Variants in GRID2 observed in about 807,000 individuals in gnomAD.
GRID2 encodes the protein glutamate receptor ionotropic, delta-2.
A neutral mutation model predicts 114.8 loss-of-function variants in GRID2; 33 were observed. The observed-to-expected ratio is 0.29, with a 90% CI of 0.22 to 0.38. The LOEUF is 0.38. GRID2 is among the 10% of genes least tolerant of loss of function. GRID2 has a pLI of 1.00. For synonymous variants in GRID2, 505 were observed against 449.9 expected (o/e 1.12, Z -1.55); for missense variants, 1,184 against 1,257.7 (o/e 0.94, Z 0.89).
intron 9 of GRID2, among the ~76,000 whole-genome samples, chr4:93,413,686 G>C (rs75380457): frequency 0.05 from 7,558 of 152,156 alleles, 221 homozygotes; most frequent in Middle Eastern, 0.17. Flanking sequence ...AATGGTTGCT[G>C]TTAAACTTTG....
intron 1 of GRID2, among the ~76,000 whole-genome samples, chr4:92,494,298 A>G (rs1000152906): frequency 6.6e-6 from 1 of 151,998 alleles, no homozygotes; most frequent in African/African-American, 2.4e-5. Context: ...ATTCCTAGAT[A>G]GGAAATTACT....
At chr4:92,857,174 A>G (rs1433826511) in intron 2 of GRID2, among the ~76,000 whole-genome samples, 1 of 152,146 alleles carries the variant, frequency 6.6e-6, no homozygotes, top group Admixed American at 6.6e-5. Flanking sequence ...TTGAGACAAA[A>G]CAAGGTTGAA....
intron 8 of GRID2, among the ~76,000 whole-genome samples, chr4:93,342,407 C>T (rs1464059231): frequency 1.3e-5 from 2 of 152,070 alleles, no homozygotes; most frequent in Admixed American, 6.6e-5. Flanking sequence ...TTCAGAACTT[C>T]GCTTAAAATC....
At chr4:93,323,563 G>A (rs577630804) in intron 8 of GRID2, among the ~76,000 whole-genome samples, 1 of 152,120 alleles carries the variant, frequency 6.6e-6, no homozygotes, top group African/African-American at 2.4e-5. Context: ...CTTTAAAGTA[G>A]TTTTTTCTAA....
chr4:92,603,771 T>G (rs1729331384), intron 2 of GRID2, among the ~76,000 whole-genome samples: 1 of 152,050 alleles, frequency 6.6e-6, no homozygotes, highest in African/African-American at 2.4e-5. Context: ...GGAGAAAATT[T>G]TCACAATCTA....
At chr4:92,764,089 G>A (rs974048616) in intron 2 of GRID2, among the ~76,000 whole-genome samples, 48 of 152,094 alleles carry the variant, frequency 3.2e-4, no homozygotes, top group Admixed American at 6.5e-5. Context: ...GGTCTAAGAT[G>A]GTTGTCTGTG....
In GRID2 at chr4:93,163,388, A is replaced by ATG. The variant is rs1737917350; in HGVS notation, c.736-44015_736-44014insGT. Among the ~76,000 whole-genome samples, 16 of 46,164 alleles carry ATG rather than the reference A, an allele frequency of 3.5e-4. 1 individual carries two copies. The highest frequency in any genetic ancestry group is 1.2e-3 in the African/African-American group (16 of 12,970). The allele number at this position is 46,164 out of a possible 152,430, so 30.3% of individuals were successfully genotyped here. On this transcript the variant is annotated intron_variant, in intron 4 of 15. Transcript: ENST00000282020. Reference sequence around the variant, plus strand: ...TATATATATATATATATATATATATATATATATATATACACTATATATATA... The same window carrying ATG: ...TATATATATATATATATATATATATATGTATATATATATACACTATATATATA...
chr4:93,378,193 A>G (rs766437466), intron 8 of GRID2, among the ~76,000 whole-genome samples: 36 of 152,136 alleles, frequency 2.4e-4, no homozygotes, highest in Non-Finnish European at 4.1e-4. Flanking sequence ...AAATAATTTA[A>G]TATGTTTAAA....
intron 1 of GRID2, among the ~76,000 whole-genome samples, chr4:93,800,391 C>T (rs1357729120): frequency 6.6e-6 from 1 of 152,144 alleles, no homozygotes; most frequent in Non-Finnish European, 1.5e-5. Flanking sequence ...CGTATCTTAT[C>T]AAGTTTGGAT....
At position 92,470,487 on chromosome 4, in the gene GRID2, A is replaced by C. The variant is rs148040618; in HGVS notation, c.89-119644A>C. ...CATTCTTTCATTTATTTCTGAAAAAAAGAGGTAGAATTTTATTTCTGTAAT... is the reference window on the plus strand; with the variant it reads ...CATTCTTTCATTTATTTCTGAAAAACAGAGGTAGAATTTTATTTCTGTAAT... On this transcript the variant is annotated intron_variant, in intron 1 of 15. Transcript: ENST00000282020. 5.7e-3 allele frequency among the ~76,000 whole-genome samples: 872 copies of C among 152,112 alleles called. 5 individuals carry two copies. Among genetic ancestry groups the C allele is most frequent in the African/African-American group, 0.02 (816 of 41,540 alleles).
Position 92,508,497 on chromosome 4 carries a change from G to T in GRID2, c.89-81634G>T, listed in dbSNP as rs535567454. On this transcript the variant is annotated intron_variant, in intron 1 of 15. Transcript: ENST00000282020. Reference sequence around the variant, plus strand: ...TATTTTAGGAAGGGAGGTCATGGAGGCCCTTACTGAGGAAGTGGCATTCAG... The same window carrying T: ...TATTTTAGGAAGGGAGGTCATGGAGTCCCTTACTGAGGAAGTGGCATTCAG... Among the ~76,000 whole-genome samples, 158 of 152,002 alleles carry T rather than the reference G, an allele frequency of 1.0e-3. 1 individual carries two copies. The highest frequency in any genetic ancestry group is 3.6e-3 in the African/African-American group (148 of 41,516).
intron 2 of GRID2, among the ~76,000 whole-genome samples, chr4:92,629,225 AAGAAAAAGGTC>A (rs1380019046): frequency 6.6e-6 from 1 of 152,092 alleles, no homozygotes; most frequent in Non-Finnish European, 1.5e-5. Context: ...TATGTATGCC[AAGAAAAAGGTC>A]AGTCCTATGT....
intron 1 of GRID2, among the ~76,000 whole-genome samples, chr4:92,350,729 G>T (rs1273243080): frequency 6.6e-6 from 1 of 151,626 alleles, no homozygotes; most frequent in African/African-American, 2.4e-5. Context: ...TACTGCAATG[G>T]TTTTTAGTAT....
At chr4:93,476,933 G>A (rs982085210) in intron 11 of GRID2, among the ~76,000 whole-genome samples, 3 of 152,018 alleles carry the variant, frequency 2.0e-5, no homozygotes, top group African/African-American at 4.8e-5. Context: ...AAAAATAATG[G>A]GAAATTTAAG....
At chr4:93,391,421 A>G (rs894634852) in intron 8 of GRID2, among the ~76,000 whole-genome samples, 1 of 152,154 alleles carries the variant, frequency 6.6e-6, no homozygotes, top group Admixed American at 6.5e-5. Flanking sequence ...CAGCTGAGAA[A>G]TCAAGTAAAC....
chr4:93,322,350 T>A (rs998445162), intron 8 of GRID2, among the ~76,000 whole-genome samples: 1 of 152,162 alleles, frequency 6.6e-6, no homozygotes, highest in African/African-American at 2.4e-5. Flanking sequence ...TCCAGCTTCA[T>A]CCATGTCCTT....
intron 8 of GRID2, among the ~76,000 whole-genome samples, chr4:93,259,402 C>T (rs1001148560): frequency 6.6e-6 from 1 of 151,754 alleles, no homozygotes; most frequent in Non-Finnish European, 1.5e-5. Context: ...AATCAATATT[C>T]CTTTTCAAAA....
intron 2 of GRID2, among the ~76,000 whole-genome samples, chr4:92,734,684 C>A (rs1011270622): frequency 6.6e-6 from 1 of 151,756 alleles, no homozygotes; most frequent in Admixed American, 6.6e-5. Context: ...AAATTTAGAA[C>A]ATTTTTTCTC....
chr4:92,313,607 G>A (rs72660097), intron 1 of GRID2, among the ~76,000 whole-genome samples: 3,436 of 151,892 alleles, frequency 0.023, 61 homozygotes, highest in Non-Finnish European at 0.032. Flanking sequence ...GGAGAGCAGC[G>A]GATGCAGGAA....
Sources: gnomAD v4.1 joint callset for allele counts (sites outside exome capture counted in the v4.1 genomes callset) on GRCh38, gnomAD v4.1.1 for gene constraint, MANE v1.5 for transcripts, NCBI Gene and HGNC (gene_info 2026-07-23, HGNC 2026-07-21) for gene names.